XYLT1: variants seen among roughly 807,000 people sequenced by gnomAD.
XYLT1 encodes the protein beta-D-xylosyltransferase 1.
In XYLT1, 36 loss-of-function variants were observed where a neutral mutation model predicts 91.3. The ratio of observed to expected loss-of-function variants is 0.39; its 90% CI spans 0.30 to 0.52. The LOEUF (loss-of-function observed/expected upper bound fraction) is 0.52, where lower values mean the gene tolerates loss of function less well. Ranked by LOEUF, XYLT1 falls within the 20% of genes least tolerant of loss-of-function variation. XYLT1 has a pLI of 0.68. For missense variants in XYLT1, 1,242 were observed against 1,284.5 expected, an observed-to-expected ratio of 0.97 and a Z score of 0.51; for synonymous variants, 588 against 532.0, an observed-to-expected ratio of 1.11 and a Z score of -1.45.
At chr16:17,210,647 A>G (rs2032740016) in intron 3 of XYLT1, among the ~76,000 whole-genome samples, 1 of 152,124 alleles carries the variant, frequency 6.6e-6, no homozygotes, top group African/African-American at 2.4e-5. Context: ...CCTGGGCTCA[A>G]GTGATCTTCC....
At chr16:17,347,788 A>G (rs1235791728) in intron 2 of XYLT1, among the ~76,000 whole-genome samples, 1 of 152,252 alleles carries the variant, frequency 6.6e-6, no homozygotes, top group African/African-American at 2.4e-5. Context: ...TCCAAACTGA[A>G]GAGACTGTAC....
chr16:17,432,327 C>CA (rs1167234049), intron 1 of XYLT1, among the ~76,000 whole-genome samples: 5 of 152,190 alleles, frequency 3.3e-5, no homozygotes, highest in African/African-American at 1.2e-4. Flanking sequence ...ACCCAGTGTC[C>CA]ATCAGCCAGT....
rs1258901009 is a variant in XYLT1 at position 17,158,902 on chromosome 16, C to T, written c.1297G>A (p.Asp433Asn). ...SAADYPIRTN[D>N]QLVAFLSRYR... ...CGGGAGAGAAACGCCACCAACTGGT[C>T]ATTTGTCCTGTGGAAACAAACCAAG... The change falls in exon 6 of 12, where the codon GAC becomes AAC. Residue 433 changes from aspartate (D) to asparagine (N), a missense_variant. Transcript: ENST00000261381. 1 of 1,614,070 alleles carries T rather than the reference C, an allele frequency of 6.2e-7. No homozygotes were observed. Among genetic ancestry groups the T allele is most frequent in the Admixed American group, 1.7e-5 (1 of 60,026 alleles).
chr16:17,442,369 G>T (rs891047151), intron 1 of XYLT1, among the ~76,000 whole-genome samples: 4 of 152,194 alleles, frequency 2.6e-5, no homozygotes, highest in Admixed American at 6.5e-5. Context: ...AGAATCAAAA[G>T]TGTTAAAGTG....
At chr16:17,442,800 G>C (rs536234688) in intron 1 of XYLT1, among the ~76,000 whole-genome samples, 1 of 152,256 alleles carries the variant, frequency 6.6e-6, no homozygotes, top group African/African-American at 2.4e-5. Flanking sequence ...ACAAAAACAA[G>C]ATCGCCTTAT....
At chr16:17,169,600 G>A (rs1312815163) in intron 5 of XYLT1, among the ~76,000 whole-genome samples, 2 of 145,240 alleles carry the variant, frequency 1.4e-5, no homozygotes, top group African/African-American at 5.0e-5. Flanking sequence ...CAGGGGCCAC[G>A]CAGGAACCCA....
intron 1 of XYLT1, among the ~76,000 whole-genome samples, chr16:17,361,217 T>C (rs140242055): frequency 7.1e-4 from 108 of 152,294 alleles, no homozygotes; most frequent in African/African-American, 2.4e-3. Context: ...TTTTTGCCAT[T>C]GCCACAAGAG....
intron 1 of XYLT1, among the ~76,000 whole-genome samples, chr16:17,379,761 T>TCACACACA (rs1466780792): frequency 3.1e-3 from 359 of 117,694 alleles, no homozygotes; most frequent in African/African-American, 0.013. Flanking sequence ...TCTCTCTCTC[T>TCACACACA]CTCACACACA....
At chr16:17,256,937 C>A (rs1171391878) in intron 3 of XYLT1, among the ~76,000 whole-genome samples, 7 of 152,198 alleles carry the variant, frequency 4.6e-5, no homozygotes, top group Non-Finnish European at 1.0e-4. Context: ...TCCCTTCCAG[C>A]TGCATCTGTT....
chr16:17,247,848 TC>T (rs36049477), intron 3 of XYLT1, among the ~76,000 whole-genome samples: 38,074 of 152,004 alleles, frequency 0.25, 5,575 homozygotes, highest in Non-Finnish European at 0.34. Context: ...AGGAAAGACC[TC>T]CCAAAGATGT....
At chr16:17,420,076 G>A (rs6498706) in intron 1 of XYLT1, among the ~76,000 whole-genome samples, 33,158 of 152,076 alleles carry the variant, frequency 0.22, 4,209 homozygotes, top group African/African-American at 0.34. Context: ...CTAATGGCTT[G>A]CTCTTTTGTC....
At chr16:17,146,875 AC>A (rs2031146679) in intron 6 of XYLT1, among the ~76,000 whole-genome samples, 1 of 152,134 alleles carries the variant, frequency 6.6e-6, no homozygotes, top group Non-Finnish European at 1.5e-5. Context: ...CAATCAAAAG[AC>A]CCAGCTGTCC....
At chr16:17,284,657 C>A (rs574190001) in intron 2 of XYLT1, among the ~76,000 whole-genome samples, 180 of 152,292 alleles carry the variant, frequency 1.2e-3, no homozygotes, top group Non-Finnish European at 1.7e-3. Flanking sequence ...TGCTGTGCAC[C>A]TGTAGTCCCA....
rs201052088 is a variant in XYLT1 at position 17,316,440 on chromosome 16, C to G, written c.402+41572G>C. ...TTGAGACAGTCTCTCTCTGTCGCCC[C>G]GGCTGGAGTGCTGTGGTGTGATCTC... is the stretch of plus-strand genomic sequence containing the variant. On this transcript the variant is annotated intron_variant, in intron 2 of 11. Coordinates refer to ENST00000261381, the MANE Select transcript of XYLT1 (RefSeq NM_022166.4). Among the ~76,000 whole-genome samples the G allele has an allele frequency of 5.3e-5, 8 of 151,978 alleles. No homozygotes were observed. The East Asian group carries it at 7.8e-4, about 15-fold the overall frequency.
intron 5 of XYLT1, among the ~76,000 whole-genome samples, chr16:17,184,061 A>AAGACCACCCACATTGT (rs2032126857): frequency 6.6e-6 from 1 of 152,060 alleles, no homozygotes; most frequent in Non-Finnish European, 1.5e-5. Context: ...CTCTACAATA[A>AAGACCACCCACATTGT]AGACCACCCA....
chr16:17,257,070 C>T (rs1254405527), intron 3 of XYLT1, among the ~76,000 whole-genome samples: 2 of 152,182 alleles, frequency 1.3e-5, no homozygotes, highest in African/African-American at 4.8e-5. Flanking sequence ...GGTCTTTTCC[C>T]TTCGGAGATA....
At chr16:17,363,347 G>T (rs1453579105) in intron 1 of XYLT1, among the ~76,000 whole-genome samples, 3 of 152,204 alleles carry the variant, frequency 2.0e-5, no homozygotes, top group African/African-American at 7.2e-5. Flanking sequence ...TAATACACAG[G>T]TGAGGTGGCT....
intron 3 of XYLT1, among the ~76,000 whole-genome samples, chr16:17,217,605 G>A (rs1352397279): frequency 6.6e-6 from 1 of 152,174 alleles, no homozygotes; most frequent in African/African-American, 2.4e-5. Context: ...TGTTCACAGA[G>A]CAGCTACGCT....
At chr16:17,360,741 A>G (rs2035370833) in intron 1 of XYLT1, among the ~76,000 whole-genome samples, 1 of 152,246 alleles carries the variant, frequency 6.6e-6, no homozygotes, top group South Asian at 2.1e-4. Context: ...AAGTGGAACC[A>G]GGTCAATGAT....
Sources: allele counts gnomAD v4.1 joint callset (sites outside exome capture counted in the v4.1 genomes callset), GRCh38; gene constraint gnomAD v4.1.1; transcripts MANE v1.5; gene names NCBI Gene and HGNC (gene_info 2026-07-23, HGNC 2026-07-21).